KLHL6: variants seen among roughly 807,000 people sequenced by gnomAD.
The protein encoded by KLHL6 is kelch like family member 6.
In KLHL6, 41 loss-of-function variants were observed where a neutral mutation model predicts 58.6. The ratio of observed to expected loss-of-function variants is 0.70; its 90% CI spans 0.55 to 0.91. KLHL6 has a LOEUF of 0.91. Among genes scored for constraint, KLHL6 ranks in the 40% least tolerant of loss-of-function variants. The probability of loss-of-function intolerance (pLI) is 0.00; values close to 1 mark genes in which losing one functional copy is unlikely to be tolerated. For synonymous variants in KLHL6, 338 were observed against 322.7 expected (o/e 1.05, Z -0.51); for missense variants, 714 against 805.6 (o/e 0.89, Z 1.38).
rs2256061 is a variant in KLHL6, at chr3:183,494,238, C to A, written c.1191G>T (p.Ser397=). 1 of 1,612,536 alleles carries A rather than the reference C, an allele frequency of 6.2e-7. No homozygotes were observed. Among genetic ancestry groups the A allele is most frequent in the African/African-American group, 1.3e-5 (1 of 74,812 alleles). Residue 397 remains serine (S), a synonymous_variant, in exon 5 of 7, where the codon TCG becomes TCT. Transcript: ENST00000341319. ...TQHDVWKYNS[S]INKWIQIEYL... is the part of the protein sequence containing the mutation. ...ACTCAATCTGAATCCACTTGTTGAT[C>A]GAAGAATTATATTTCCAAACATCAT... is the stretch of plus-strand genomic sequence containing the variant.
At chr3:183,503,930 C>G (rs551478093) in intron 3 of KLHL6, among the ~76,000 whole-genome samples, 1 of 152,288 alleles carries the variant, frequency 6.6e-6, no homozygotes, top group East Asian at 1.9e-4. Flanking sequence ...AACCCAAGAC[C>G]ATTCCAGCAG....
At chr3:183,515,384 C>G (rs932384142) in intron 2 of KLHL6, among the ~76,000 whole-genome samples, 1 of 151,950 alleles carries the variant, frequency 6.6e-6, no homozygotes, top group Non-Finnish European at 1.5e-5. Context: ...CTCGTCTTTA[C>G]AAAAAATGTA....
chr3:183,502,308 A>C lies in KLHL6; in HGVS notation c.910-2481T>G, dbSNP rs1248682409. On this transcript the variant is annotated intron_variant, in intron 3 of 6. Transcript: ENST00000341319. The stretch of plus-strand genomic sequence containing the variant: ...CAAGAGCGAAACTCCATCTCAAAAA[A>C]AAAAAAAATGAGTGAATGGATGAGT... Among the ~76,000 whole-genome samples, 3 of 151,592 alleles carry C rather than the reference A, an allele frequency of 2.0e-5. No individual in the cohort carries two copies. The East Asian group carries it at 5.8e-4, about 29-fold the overall frequency.
At chr3:183,552,302 T>C (rs377277820) in intron 1 of KLHL6, 1 of 152,242 alleles carries the variant, frequency 6.6e-6, no homozygotes, top group African/African-American at 2.4e-5. Flanking sequence ...AGGGGACTGT[T>C]TAATAAACTA....
chr3:183,549,516 G>A (rs959920952), intron 1 of KLHL6, among the ~76,000 whole-genome samples: 5 of 152,078 alleles, frequency 3.3e-5, no homozygotes, highest in African/African-American at 7.2e-5. Context: ...AATGGCACTC[G>A]TCAGGTCGGG....
chr3:183,498,023 C>A lies in KLHL6; in HGVS notation c.1147+1567G>T, dbSNP rs367901603. Among the ~76,000 whole-genome samples, 10 of 152,194 alleles carry A rather than the reference C, an allele frequency of 6.6e-5. No homozygotes were observed. The South Asian group carries it at 1.0e-3, about 16-fold the overall frequency. On this transcript the variant is annotated intron_variant, in intron 4 of 6. Transcript: ENST00000341319. ...GGCTGAGGCGGGTGGATCACAAGGT[C>A]AGGAGTTCAAGACCAGCCTGACCAA...
At chr3:183,501,127 G>T (rs1193651356) in intron 3 of KLHL6, among the ~76,000 whole-genome samples, 1 of 152,194 alleles carries the variant, frequency 6.6e-6, no homozygotes, top group East Asian at 1.9e-4. Context: ...GGATGGGTGT[G>T]GCTGGACAAA....
At chr3:183,533,278 C>A (rs1013720626) in intron 1 of KLHL6, among the ~76,000 whole-genome samples, 4 of 150,004 alleles carry the variant, frequency 2.7e-5, no homozygotes, top group African/African-American at 9.8e-5. Context: ...TCTTTCCTTC[C>A]TTCCTTCCTT....
chr3:183,530,822 G>A (rs1442214230), intron 1 of KLHL6, among the ~76,000 whole-genome samples: 1 of 145,266 alleles, frequency 6.9e-6, no homozygotes, highest in Non-Finnish European at 1.5e-5. Context: ...ACTCAGCTGT[G>A]AACATGCATT....
chr3:183,552,000 A>G (rs1477995567), intron 1 of KLHL6: 1 of 152,232 alleles, frequency 6.6e-6, no homozygotes, highest in East Asian at 1.9e-4. Flanking sequence ...CTTACTAAAA[A>G]TAAGAAAAAT....
At chr3:183,543,069 G>A (rs1712606472) in intron 1 of KLHL6, among the ~76,000 whole-genome samples, 1 of 152,176 alleles carries the variant, frequency 6.6e-6, no homozygotes, top group African/African-American at 2.4e-5. Context: ...GAGGCGGGCA[G>A]ATCACCTGAG....
intron 1 of KLHL6, among the ~76,000 whole-genome samples, chr3:183,553,059 C>A (rs763494395): frequency 6.6e-6 from 1 of 151,958 alleles, no homozygotes; most frequent in Non-Finnish European, 1.5e-5. Context: ...ATAGTAGCAC[C>A]GGAAGAAAGA....
At chr3:183,510,828 G>A (rs144923346) in intron 2 of KLHL6, among the ~76,000 whole-genome samples, 1,775 of 152,000 alleles carry the variant, frequency 0.012, 67 homozygotes, top group Admixed American at 0.076. Flanking sequence ...AGCTGATATC[G>A]TGTCATTGCA....
At chr3:183,528,088 T>G in intron 1 of KLHL6, 78 bp from the exon 2 acceptor site, 1 of 1,518,360 alleles carries the variant, frequency 6.6e-7, no homozygotes, top group Non-Finnish European at 9.1e-7. Context: ...TTCAGACTCA[T>G]CAGGCCCTCA....
intron 2 of KLHL6, among the ~76,000 whole-genome samples, chr3:183,522,118 G>C (rs1711784225): frequency 6.6e-6 from 1 of 150,884 alleles, no homozygotes; most frequent in Non-Finnish European, 1.5e-5. Context: ...CTGAGGTCAG[G>C]AGTTCGAGAC....
At chr3:183,508,572 G>T in intron 2 of KLHL6, 64 bp from the exon 3 acceptor site, 1 of 1,471,728 alleles carries the variant, frequency 6.8e-7, no homozygotes, top group Non-Finnish European at 9.2e-7. Flanking sequence ...AGGTTTATCA[G>T]TGAGTTATGT....
intron 1 of KLHL6, among the ~76,000 whole-genome samples, chr3:183,535,364 C>CTCAG (rs1200088484): frequency 6.6e-6 from 1 of 152,244 alleles, no homozygotes; most frequent in Non-Finnish European, 1.5e-5. Flanking sequence ...CAGTCCTGAA[C>CTCAG]TCAGGTGTTG....
Position 183,494,380 on chromosome 3 carries a change from C to A in KLHL6, c.1148-99G>T. ...TGTCCAAAAGTGCCAGGTCCCCAGG[C>A]CAGCCCTACCCTGAGGGGAGATACA... On this transcript the variant is annotated intron_variant, in intron 4 of 6. Coordinates refer to ENST00000341319, the MANE Select transcript of KLHL6 (RefSeq NM_130446.4). 3 of 952,996 alleles carry A rather than the reference C, an allele frequency of 3.1e-6. No individual in the cohort carries two copies. In the South Asian group the frequency reaches 4.3e-5, roughly 14 times the overall value. 59.0% of individuals were successfully genotyped at this position (952,996 alleles called of 1,614,324 possible).
intron 2 of KLHL6, among the ~76,000 whole-genome samples, chr3:183,517,587 A>G (rs6780626): frequency 0.54 from 81,985 of 152,038 alleles, 22,454 homozygotes; most frequent in Non-Finnish European, 0.58. Context: ...GCAGGTGTTG[A>G]GGGACTGAGG....
Sources: allele counts gnomAD v4.1 joint callset (sites outside exome capture counted in the v4.1 genomes callset), GRCh38; gene constraint gnomAD v4.1.1; transcripts MANE v1.5; gene names NCBI Gene and HGNC (gene_info 2026-07-23, HGNC 2026-07-21).